The following MAP4K3 variants were observed in gnomAD, a reference collection of about 807,000 sequenced individuals.
MAP4K3 encodes mitogen-activated protein kinase kinase kinase kinase 3.
MAP4K3 carries 94 observed loss-of-function variants against 143.5 expected under a neutral mutation model. The observed-to-expected ratio is 0.65, with a 90% CI of 0.55 to 0.78. MAP4K3 has a LOEUF of 0.78. MAP4K3 is among the 30% of genes least tolerant of loss of function. The probability of loss-of-function intolerance (pLI) is 0.00; values close to 1 mark genes in which losing one functional copy is unlikely to be tolerated. For synonymous variants in MAP4K3, 416 were observed against 347.2 expected, an observed-to-expected ratio of 1.20 and a Z score of -2.20; for missense variants, 1,077 against 1,068.1, an observed-to-expected ratio of 1.01 and a Z score of -0.12.
chr2:39,252,998 T>A (rs1191657527), intron 32 of MAP4K3, among the ~76,000 whole-genome samples: 1 of 152,254 alleles, frequency 6.6e-6, no homozygotes, highest in African/African-American at 2.4e-5. Flanking sequence ...CTTCTGTATT[T>A]GTCTGTAATG....
chr2:39,307,882 T>G, intron 15 of MAP4K3, 61 bp downstream of exon 15: 1 of 1,317,492 alleles, frequency 7.6e-7, no homozygotes, highest in Non-Finnish European at 1.0e-6. Flanking sequence ...TGTTTGATCT[T>G]AAAAGAAAAC....
chr2:39,387,709 C>T (rs1558681345), intron 1 of MAP4K3, among the ~76,000 whole-genome samples: 1 of 152,194 alleles, frequency 6.6e-6, no homozygotes, highest in Non-Finnish European at 1.5e-5. Context: ...GAAAAAATTA[C>T]AAGACCATAA....
At chr2:39,286,052 T>A (rs930484766) in intron 21 of MAP4K3, among the ~76,000 whole-genome samples, 1 of 152,248 alleles carries the variant, frequency 6.6e-6, no homozygotes. Flanking sequence ...ATGTCACTAC[T>A]TATGTAATCT....
intron 15 of MAP4K3, among the ~76,000 whole-genome samples, chr2:39,302,034 A>G (rs1194197137): frequency 6.6e-6 from 1 of 152,034 alleles, no homozygotes; most frequent in Non-Finnish European, 1.5e-5. Context: ...AAAAATAATA[A>G]TAAAAAAAAT....
intron 12 of MAP4K3, 140 bp from the exon 13 acceptor site, chr2:39,315,528 T>A: frequency 1.8e-6 from 1 of 551,066 alleles, no homozygotes; most frequent in Non-Finnish European, 3.2e-6. Flanking sequence ...TTTTTTTTTT[T>A]TAAAAAAGCA....
chr2:39,251,473 C>G (rs914003238), intron 33 of MAP4K3, among the ~76,000 whole-genome samples: 2 of 152,192 alleles, frequency 1.3e-5, no homozygotes, highest in African/African-American at 4.8e-5. Flanking sequence ...TATAATCTCT[C>G]CCACCACCCT....
At chr2:39,431,911 C>T (rs748186266) in intron 1 of MAP4K3, among the ~76,000 whole-genome samples, 1 of 152,158 alleles carries the variant, frequency 6.6e-6, no homozygotes, top group Non-Finnish European at 1.5e-5. Context: ...AGCCTGGCTC[C>T]AGAACCCTGT....
Position 39,249,664 on chromosome 2 carries a change from T to C in MAP4K3, c.*954A>G, listed in dbSNP as rs1680074672. ...AAAAGTAAAAATTCCAAGAGAAATT[T>C]GAACCACTTCACTCTATGGAATGTT... On this transcript the variant is annotated 3_prime_UTR_variant, in exon 34 of 34. Transcript: ENST00000263881. 6.6e-6 allele frequency: 1 copy of C among 152,614 alleles called. No individual in the cohort carries two copies. Among genetic ancestry groups the C allele is most frequent in the African/African-American group, 2.4e-5 (1 of 41,458 alleles). The allele number at this position is 152,614 out of a possible 1,614,324, so 9.5% of individuals were successfully genotyped here.
intron 12 of MAP4K3, among the ~76,000 whole-genome samples, chr2:39,317,657 T>C (rs1396746099): frequency 2.0e-5 from 3 of 152,132 alleles, no homozygotes; most frequent in Non-Finnish European, 4.4e-5. Flanking sequence ...GAAAAAATGC[T>C]TGAACATCAC....
intron 19 of MAP4K3, among the ~76,000 whole-genome samples, chr2:39,288,758 A>C (rs1209351514): frequency 6.6e-6 from 1 of 152,218 alleles, no homozygotes; most frequent in Non-Finnish European, 1.5e-5. Flanking sequence ...TACCAATTAA[A>C]ATGTTATCAT....
At chr2:39,343,861 T>C (rs1665210296) in intron 3 of MAP4K3, among the ~76,000 whole-genome samples, 1 of 152,150 alleles carries the variant, frequency 6.6e-6, no homozygotes, top group Non-Finnish European at 1.5e-5. Flanking sequence ...TAGCTTCATA[T>C]CTAGATTCAA....
At chr2:39,409,064 C>G (rs1004570984) in intron 1 of MAP4K3, among the ~76,000 whole-genome samples, 4 of 152,120 alleles carry the variant, frequency 2.6e-5, no homozygotes, top group Non-Finnish European at 4.4e-5. Flanking sequence ...CTTCTGCCAC[C>G]CTGACAGCAA....
intron 2 of MAP4K3, among the ~76,000 whole-genome samples, chr2:39,363,032 A>C (rs1665813816): frequency 6.6e-6 from 1 of 152,228 alleles, no homozygotes; most frequent in Non-Finnish European, 1.5e-5. Context: ...ACATACACAA[A>C]AAATTCAGCT....
chr2:39,328,943 C>T (rs1005080151), intron 8 of MAP4K3, among the ~76,000 whole-genome samples: 10 of 152,066 alleles, frequency 6.6e-5, no homozygotes, highest in African/African-American at 2.4e-4. Flanking sequence ...CAGACTTTTT[C>T]GAACAACTGA....
intron 13 of MAP4K3, 50 bp downstream of exon 13, chr2:39,315,260 T>A: frequency 7.9e-7 from 1 of 1,258,350 alleles, no homozygotes; most frequent in East Asian, 2.5e-5. Flanking sequence ...AACTAAATTA[T>A]AACTTATTTT....
chr2:39,369,274 C>A (rs1423894975), intron 2 of MAP4K3, among the ~76,000 whole-genome samples: 2 of 133,004 alleles, frequency 1.5e-5, no homozygotes, highest in African/African-American at 5.9e-5. Flanking sequence ...TGGCTCACTG[C>A]AACCTCCGTC....
intron 28 of MAP4K3, among the ~76,000 whole-genome samples, chr2:39,262,776 A>G (rs1323687851): frequency 6.6e-6 from 1 of 152,148 alleles, no homozygotes; most frequent in East Asian, 1.9e-4. Flanking sequence ...TGTTTGCTGG[A>G]GAGATCTTTA....
intron 4 of MAP4K3, among the ~76,000 whole-genome samples, chr2:39,338,653 T>C (rs1665051448): frequency 6.6e-6 from 1 of 152,250 alleles, no homozygotes; most frequent in South Asian, 2.1e-4. Context: ...TGTATGCATC[T>C]GCTAAGTCCC....
intron 1 of MAP4K3, among the ~76,000 whole-genome samples, chr2:39,416,774 T>C (rs911581847): frequency 6.6e-5 from 10 of 152,230 alleles, no homozygotes; most frequent in African/African-American, 2.4e-4. Context: ...TTTTTAAAAA[T>C]GATAATCAAC....
Sources: allele counts gnomAD v4.1 joint callset (sites outside exome capture counted in the v4.1 genomes callset), GRCh38; gene constraint gnomAD v4.1.1; transcripts MANE v1.5; gene names NCBI Gene and HGNC (gene_info 2026-07-23, HGNC 2026-07-21).